Variants in RGS7BP observed in about 807,000 individuals in gnomAD.
RGS7BP encodes regulator of G protein signaling 7-binding protein.
RGS7BP carries 9 observed loss-of-function variants against 31.3 expected under a neutral mutation model. The ratio of observed to expected loss-of-function variants is 0.29; its 90% CI spans 0.17 to 0.50. RGS7BP has a LOEUF of 0.50. RGS7BP is among the 20% of genes least tolerant of loss of function. The pLI is 0.98. For missense variants in RGS7BP, 274 were observed against 322.0 expected, an observed-to-expected ratio of 0.85 and a Z score of 1.14; for synonymous variants, 115 against 120.1, an observed-to-expected ratio of 0.96 and a Z score of 0.28.
At chr5:64,511,663 C>T (rs972900058) in intron 2 of RGS7BP, among the ~76,000 whole-genome samples, 14 of 152,126 alleles carry the variant, frequency 9.2e-5, no homozygotes, top group African/African-American at 3.4e-4. Context: ...ATCCCTAGGG[C>T]TCCATGGCAC....
At chr5:64,578,773 C>T (rs1742504634) in intron 3 of RGS7BP, among the ~76,000 whole-genome samples, 2 of 152,258 alleles carry the variant, frequency 1.3e-5, no homozygotes, top group East Asian at 3.9e-4. Flanking sequence ...TCATACAGTG[C>T]ATTGTCTCCA....
Position 64,506,684 on chromosome 5 carries a change from C to A in RGS7BP, c.60C>A (p.Ile20=), listed in dbSNP as rs1334728953. The change falls in exon 1 of 6, where the codon ATC becomes ATA. Residue 20 remains isoleucine (I), a synonymous_variant. Transcript: ENST00000334025. This position sits in a 1 kb window ranked among gnomAD's most constrained non-coding sequence, Gnocchi z 4.6. The part of the protein sequence containing the change: ...KRPSRSTRSS[I]FQISKPPLQS... Reference sequence around the variant, plus strand: ...CCAGCCGGTCCACCCGCTCCTCGATCTTCCAGATCAGCAAGCCCCCGCTGC... The same window carrying A: ...CCAGCCGGTCCACCCGCTCCTCGATATTCCAGATCAGCAAGCCCCCGCTGC... The A allele has an allele frequency of 1.2e-6, 2 of 1,613,350 alleles. No individual in the cohort carries two copies. Among genetic ancestry groups the A allele is most frequent in the East Asian group, 4.5e-5 (2 of 44,828 alleles).
At chr5:64,529,922 G>A (rs915522479) in intron 2 of RGS7BP, among the ~76,000 whole-genome samples, 1 of 152,118 alleles carries the variant, frequency 6.6e-6, no homozygotes, top group Non-Finnish European at 1.5e-5. Context: ...TCCACGGGCT[G>A]GACTTTTATA....
rs1743468278 is a variant in RGS7BP, at chr5:64,610,220, T to C, written c.*968T>C. On this transcript the variant is annotated 3_prime_UTR_variant, in exon 6 of 6. Transcript: ENST00000334025. The stretch of plus-strand genomic sequence containing the variant: ...CTAAGCTTGTCTCATTTTAGATGAC[T>C]ATGCAGATAAGATTTTTCCAACGTG... 6.6e-6 allele frequency: 1 copy of C among 152,432 alleles called. No homozygotes were observed. Among genetic ancestry groups the C allele is most frequent in the Non-Finnish European group, 1.5e-5 (1 of 67,934 alleles). 9.4% of individuals were successfully genotyped at this position (152,432 alleles called of 1,614,324 possible).
chr5:64,556,435 A>ACACC (rs57477910), intron 2 of RGS7BP, among the ~76,000 whole-genome samples: 2,155 of 146,988 alleles, frequency 0.015, 51 homozygotes, highest in African/African-American at 0.054. Flanking sequence ...ACACACACAC[A>ACACC]CACACACACA....
chr5:64,570,476 C>A (rs1193040029), intron 2 of RGS7BP, among the ~76,000 whole-genome samples: 1 of 152,110 alleles, frequency 6.6e-6, no homozygotes, highest in Non-Finnish European at 1.5e-5. Context: ...ATGTCTCACT[C>A]CATTCAACTA....
intron 2 of RGS7BP, among the ~76,000 whole-genome samples, chr5:64,543,750 C>A (rs953108366): frequency 9.2e-5 from 14 of 152,304 alleles, no homozygotes; most frequent in African/African-American, 2.6e-4. Flanking sequence ...TTCCCAGGGG[C>A]TGCTGTGCCC....
intron 3 of RGS7BP, among the ~76,000 whole-genome samples, chr5:64,579,190 T>C (rs958289842): frequency 2.4e-4 from 37 of 152,068 alleles, no homozygotes; most frequent in African/African-American, 8.9e-4. Flanking sequence ...GGAGACTGCT[T>C]TATTGGTGAG....
At chr5:64,527,764 T>C (rs1412899974) in intron 2 of RGS7BP, among the ~76,000 whole-genome samples, 1 of 152,170 alleles carries the variant, frequency 6.6e-6, no homozygotes, top group South Asian at 2.1e-4. Context: ...AAAATAGTTT[T>C]ACTCTATGAC....
At chr5:64,565,461 G>T (rs115382875) in intron 2 of RGS7BP, among the ~76,000 whole-genome samples, 5 of 151,758 alleles carry the variant, frequency 3.3e-5, no homozygotes, top group Non-Finnish European at 5.9e-5. Context: ...CCCTTTCTAC[G>T]TATCTGCATA....
chr5:64,524,042 G>A (rs1247244070), intron 2 of RGS7BP, among the ~76,000 whole-genome samples: 1 of 152,064 alleles, frequency 6.6e-6, no homozygotes, highest in Non-Finnish European at 1.5e-5. Context: ...ACCCTAAGGG[G>A]AAAAAAACTT....
intron 2 of RGS7BP, among the ~76,000 whole-genome samples, chr5:64,550,187 T>A (rs1202904136): frequency 1.3e-5 from 2 of 152,204 alleles, no homozygotes; most frequent in African/African-American, 4.8e-5. Flanking sequence ...AGCAGTCTGC[T>A]CTGACTGCCA....
chr5:64,594,219 C>A (rs1218257890), intron 3 of RGS7BP, among the ~76,000 whole-genome samples: 1 of 152,116 alleles, frequency 6.6e-6, no homozygotes, highest in Non-Finnish European at 1.5e-5. Flanking sequence ...TTGGAAGACA[C>A]CTGCATGATC....
At chr5:64,597,177 C>T (rs1204146017) in intron 4 of RGS7BP, among the ~76,000 whole-genome samples, 2 of 152,060 alleles carry the variant, frequency 1.3e-5, no homozygotes, top group Non-Finnish European at 2.9e-5. Flanking sequence ...ACCATCTGGA[C>T]GTGTGTAGGG....
At chr5:64,561,442 G>T (rs1161261234) in intron 2 of RGS7BP, among the ~76,000 whole-genome samples, 2 of 151,984 alleles carry the variant, frequency 1.3e-5, no homozygotes, top group East Asian at 3.9e-4. Flanking sequence ...CATAAATGTG[G>T]GTTTGAGTCC....
intron 2 of RGS7BP, among the ~76,000 whole-genome samples, chr5:64,541,580 TCTC>T (rs1026813060): frequency 2.6e-5 from 4 of 152,346 alleles, no homozygotes; most frequent in African/African-American, 9.6e-5. Context: ...CATAGGGTAT[TCTC>T]ATCATTCTTA....
intron 2 of RGS7BP, among the ~76,000 whole-genome samples, chr5:64,550,896 C>G (rs1741779597): frequency 6.6e-6 from 1 of 151,796 alleles, no homozygotes; most frequent in South Asian, 2.1e-4. Flanking sequence ...CATGTCCTTA[C>G]AAAGGACATG....
At chr5:64,606,078 T>C (rs1020108592) in intron 5 of RGS7BP, among the ~76,000 whole-genome samples, 1 of 149,880 alleles carries the variant, frequency 6.7e-6, no homozygotes, top group African/African-American at 2.4e-5. Flanking sequence ...GCGAGAAGAA[T>C]TTCAATAGCT....
chr5:64,588,188 T>C lies in RGS7BP; in HGVS notation c.464-6522T>C, dbSNP rs1742809788. Among the ~76,000 whole-genome samples the C allele has an allele frequency of 2.6e-5, 4 of 152,192 alleles. No individual in the cohort carries two copies. In the South Asian group the frequency reaches 6.2e-4, roughly 24 times the overall value. ...AGATTTGTTGGAAGTAAAAATGTTA[T>C]CAATCAAATAAAAATAGATGGGTTA... On this transcript the variant is annotated intron_variant, in intron 3 of 5. Coordinates refer to ENST00000334025, the MANE Select transcript of RGS7BP (RefSeq NM_001029875.3).
Sources: gnomAD v4.1 joint callset for allele counts (sites outside exome capture counted in the v4.1 genomes callset) on GRCh38, gnomAD v4.1.1 for gene constraint, Gnocchi (gnomAD v3.1) non-coding constraint, MANE v1.5 for transcripts, NCBI Gene and HGNC (gene_info 2026-07-23, HGNC 2026-07-21) for gene names.